Variants in SMG1 observed in about 807,000 individuals in gnomAD.
SMG1 encodes the protein SMG1 nonsense mediated mRNA decay associated PI3K related kinase.
A neutral mutation model predicts 419.9 loss-of-function variants in SMG1; 22 were observed. The ratio of observed to expected loss-of-function variants is 0.05; its 90% CI spans 0.04 to 0.07. The LOEUF (loss-of-function observed/expected upper bound fraction) is 0.07. SMG1 is among the 10% of genes least tolerant of loss of function. The pLI is 1.00. For synonymous variants in SMG1, 1,538 were observed against 1,553.5 expected (o/e 0.99, Z 0.23); for missense variants, 3,185 against 4,342.0 (o/e 0.73, Z 7.49).
rs571218842 is a variant in SMG1 at position 18,875,683 on chromosome 16, G to A, written c.1890+441C>T. 6 of 178,018 alleles carry A rather than the reference G, an allele frequency of 3.4e-5. No homozygotes were observed. In the East Asian group the frequency reaches 6.4e-4, roughly 19 times the overall value. 11.0% of individuals were successfully genotyped at this position (178,018 alleles called of 1,614,324 possible). ...TAAGGAATATTCAACCTGTATGAAT[G>A]TTCCTAGGGAAAAGAGACAGCCAAA... On this transcript the variant is annotated intron_variant, in intron 13 of 62. Coordinates refer to ENST00000446231, the MANE Select transcript of SMG1 (RefSeq NM_015092.5).
intron 1 of SMG1, among the ~76,000 whole-genome samples, chr16:18,906,045 C>A (rs1171196187): frequency 1.3e-5 from 2 of 152,118 alleles, no homozygotes; most frequent in Non-Finnish European, 2.9e-5. Context: ...ACTCAATGAT[C>A]CATCAACAAG....
At chr16:18,832,273 G>C (rs571190577) in intron 51 of SMG1, among the ~76,000 whole-genome samples, 34 of 152,218 alleles carry the variant, frequency 2.2e-4, no homozygotes, top group Non-Finnish European at 4.4e-4. Context: ...GATTAGCTCT[G>C]AGTACAATGC....
chr16:18,907,309 A>G (rs2037601766), intron 1 of SMG1, among the ~76,000 whole-genome samples: 1 of 152,034 alleles, frequency 6.6e-6, no homozygotes, highest in African/African-American at 2.4e-5. Flanking sequence ...TATGCCAACT[A>G]ATTGTACACC....
chr16:18,910,837 T>A (rs899770429), intron 1 of SMG1, among the ~76,000 whole-genome samples: 6 of 152,130 alleles, frequency 3.9e-5, no homozygotes, highest in Admixed American at 1.3e-4. Flanking sequence ...AAAATAAAAT[T>A]AAAATAAAAA....
chr16:18,873,963 G>A (rs118009916), intron 13 of SMG1, among the ~76,000 whole-genome samples: 1,866 of 152,260 alleles, frequency 0.012, 13 homozygotes, highest in Non-Finnish European at 0.02. Flanking sequence ...CGTGTTCGAA[G>A]AAGAATTTAT....
chr16:18,811,796 C>T lies in SMG1; in HGVS notation c.10873G>A (p.Val3625Ile). 1 of 1,613,996 alleles carries T rather than the reference C, an allele frequency of 6.2e-7. No individual in the cohort carries two copies. Among genetic ancestry groups the T allele is most frequent in the South Asian group, 1.1e-5 (1 of 91,078 alleles). Reference sequence around the variant, plus strand: ...ACTGACATCCTCCTATTCGGATCAACATCTCGGCCCTCTAACTTGGCTTTC... The same window carrying T: ...ACTGACATCCTCCTATTCGGATCAATATCTCGGCCCTCTAACTTGGCTTTC... Reference protein sequence around the residue: ...RVKAKLEGRDVDPNRRMSVAE... With the variant: ...RVKAKLEGRDIDPNRRMSVAE... Residue 3625 changes from valine to isoleucine, a missense_variant, in exon 62 of 63, where the codon GTT becomes ATT. Physicochemically the swap from Val to Ile is conservative, Grantham distance 29. Around this residue, in one of 27 missense-constraint regions of SMG1, gnomAD observed 41 missense variants for 78.7 expected, o/e 0.52. Coordinates refer to ENST00000446231, the MANE Select transcript of SMG1 (RefSeq NM_015092.5).
In SMG1 at chr16:18,903,815, T is replaced by C. The variant is rs557271262; in HGVS notation, c.93-6859A>G. Among the ~76,000 whole-genome samples, 351 of 152,196 alleles carry C rather than the reference T, an allele frequency of 2.3e-3. 2 individuals carry two copies. The highest frequency in any genetic ancestry group is 7.4e-3 in the African/African-American group (309 of 41,542). On this transcript the variant is annotated intron_variant, in intron 1 of 62. Coordinates refer to ENST00000446231, the MANE Select transcript of SMG1 (RefSeq NM_015092.5). ...CTTCTAATATATCCACAAATTCACC[T>C]GCATCTGCACATACAGCTTTTCTTC...
At chr16:18,879,111 G>A (rs2036273497) in intron 11 of SMG1, 1 of 290,200 alleles carries the variant, frequency 3.4e-6, no homozygotes, top group Non-Finnish European at 6.7e-6. Flanking sequence ...ATAAAGCAAA[G>A]CCCTTATTTT....
chr16:18,813,892 G>A (rs1433906391), intron 60 of SMG1, among the ~76,000 whole-genome samples: 5 of 151,536 alleles, frequency 3.3e-5, no homozygotes, highest in African/African-American at 7.3e-5. Flanking sequence ...TTAGCAGGGC[G>A]TGGTGGCAGG....
chr16:18,917,938 C>G (rs1308980333), intron 1 of SMG1, among the ~76,000 whole-genome samples: 1 of 151,756 alleles, frequency 6.6e-6, no homozygotes, highest in Non-Finnish European at 1.5e-5. Context: ...TCTCCCGCAG[C>G]TAATATGATT....
At chr16:18,916,107 A>AC (rs2037966159) in intron 1 of SMG1, among the ~76,000 whole-genome samples, 1 of 144,060 alleles carries the variant, frequency 6.9e-6, no homozygotes, top group African/African-American at 2.6e-5. Flanking sequence ...AAAAAAAAAA[A>AC]CCACCACCAC....
chr16:18,851,975 C>T, intron 33 of SMG1, 92 bp downstream of exon 33: 10 of 1,309,326 alleles, frequency 7.6e-6, no homozygotes, highest in Non-Finnish European at 9.3e-6. Flanking sequence ...TGGTAAGCCC[C>T]ATTCAGTATT....
At chr16:18,886,053 A>T (rs2141753510) in intron 6 of SMG1, among the ~76,000 whole-genome samples, 1 of 152,330 alleles carries the variant, frequency 6.6e-6, no homozygotes, top group East Asian at 1.9e-4. Flanking sequence ...ATGTTTGTTA[A>T]TATTAGTCCT....
At chr16:18,812,591 TATATATACAC>T (rs1016473672) in intron 60 of SMG1, among the ~76,000 whole-genome samples, 56 of 145,570 alleles carry the variant, frequency 3.8e-4, no homozygotes, top group African/African-American at 9.9e-4. Context: ...TATATATACA[TATATATACAC>T]ATATATATAC....
At chr16:18,880,614 C>T (rs950182942) in intron 10 of SMG1, among the ~76,000 whole-genome samples, 4 of 149,210 alleles carry the variant, frequency 2.7e-5, no homozygotes, top group African/African-American at 9.9e-5. Context: ...ACTTGAGAGG[C>T]TGAGGTGGGA....
At chr16:18,902,576 CAT>C (rs2037389705) in intron 1 of SMG1, among the ~76,000 whole-genome samples, 1 of 151,960 alleles carries the variant, frequency 6.6e-6, no homozygotes, top group African/African-American at 2.4e-5. Flanking sequence ...GGTATGCGCC[CAT>C]AGATCCAGCA....
At chr16:18,842,128 T>C in intron 40 of SMG1, 80 bp downstream of exon 40, 1 of 1,437,790 alleles carries the variant, frequency 7.0e-7, no homozygotes, top group Non-Finnish European at 9.4e-7. Context: ...AATAATCTCC[T>C]ACTATACACA....
In SMG1 at chr16:18,829,445, T is replaced by C. The variant is rs2033008051; in HGVS notation, c.9444A>G (p.Ile3148Met). 4 of 1,613,924 alleles carry C rather than the reference T, an allele frequency of 2.5e-6. No individual in the cohort carries two copies. The highest frequency in any genetic ancestry group is 1.3e-5 in the African/African-American group (1 of 74,930). Residue 3148 changes from isoleucine (I) to methionine (M), a missense_variant, in exon 54 of 63, where the codon ATA (isoleucine) becomes ATG (methionine). Transcript: ENST00000446231. ...CKKAVEHNIQ[I>M]GKFSQLVMNR... ...TCATAACCAGCTGAGAGAACTTCCCTATCTGGATGTTATGTTCCACCGCTT... is the reference window on the plus strand; with the variant it reads ...TCATAACCAGCTGAGAGAACTTCCCCATCTGGATGTTATGTTCCACCGCTT...
At chr16:18,910,720 C>T (rs11648867) in intron 1 of SMG1, among the ~76,000 whole-genome samples, 76,696 of 151,772 alleles carry the variant, frequency 0.51, 19,644 homozygotes, top group Middle Eastern at 0.59. Context: ...CCCATCTTTG[C>T]TTAGAAGATG....
Sources: gnomAD v4.1 joint callset for allele counts (sites outside exome capture counted in the v4.1 genomes callset) on GRCh38, gnomAD v4.1.1 for gene constraint, gnomAD v4.1.1 regional missense constraint, MANE v1.5 for transcripts, NCBI Gene and HGNC (gene_info 2026-07-23, HGNC 2026-07-21) for gene names.